SMC4: variants seen among roughly 807,000 people sequenced by gnomAD.
SMC4 encodes the protein structural maintenance of chromosomes 4.
In SMC4, 87 loss-of-function variants were observed where a neutral mutation model predicts 145.6. The observed-to-expected ratio is 0.60, with a 90% CI of 0.50 to 0.71. SMC4 has a LOEUF of 0.71. Ranked by LOEUF, SMC4 falls within the 30% of genes least tolerant of loss-of-function variation. SMC4 has a pLI of 0.00. For missense variants in SMC4, 1,447 were observed against 1,537.1 expected (o/e 0.94, Z 0.98); for synonymous variants, 558 against 500.7 (o/e 1.11, Z -1.53).
At chr3:160,419,670 T>A in intron 12 of SMC4, 127 bp downstream of exon 12, 1 of 849,834 alleles carries the variant, frequency 1.2e-6, no homozygotes, top group Non-Finnish European at 1.7e-6. Context: ...TTGTTTGTTT[T>A]AAGGCACATT....
intron 5 of SMC4, among the ~76,000 whole-genome samples, chr3:160,409,864 C>T (rs943565899): frequency 1.3e-5 from 2 of 151,990 alleles, no homozygotes; most frequent in Non-Finnish European, 2.9e-5. Context: ...CCCAGGAGTT[C>T]GAGACCAGCC....
Position 160,433,840 on chromosome 3 carries a change from C to CAGT in SMC4, c.*32_*34dup. 6.5e-7 allele frequency: 1 copy of CAGT among 1,537,668 alleles called. No homozygotes were observed. Among genetic ancestry groups the CAGT allele is most frequent in the Non-Finnish European group, 8.8e-7 (1 of 1,130,612 alleles). On this transcript the variant is annotated 3_prime_UTR_variant, in exon 24 of 24. Transcript: ENST00000357388. ...ATGCTGAAGATTCTTCAAGTTGATT[C>CAGT]AGTGTATTACTGATTTTTTTCTATT...
At chr3:160,425,053 T>TGTGTGTGTGTG (rs1553774891) in intron 16 of SMC4, 34 bp downstream of exon 16, 1 of 1,532,958 alleles carries the variant, frequency 6.5e-7, no homozygotes, top group Non-Finnish European at 8.8e-7. Context: ...TGTGTGTGTG[T>TGTGTGTGTGTG]ACTGAAACTA....
At chr3:160,425,102 TTTGCTTACAA>T (rs749511628) in intron 16 of SMC4, 83 bp downstream of exon 16, 12 of 1,461,100 alleles carry the variant, frequency 8.2e-6, no homozygotes, top group Non-Finnish European at 1.1e-5. Context: ...CATTTTGCTA[TTTGCTTACAA>T]TTTATTAAAT....
In SMC4 at chr3:160,413,496, C is replaced by G; in HGVS notation, c.1004C>G (p.Ala335Gly). The G allele has an allele frequency of 6.3e-7, 1 of 1,576,468 alleles. No individual in the cohort carries two copies. The highest frequency in any genetic ancestry group is 8.6e-7 in the Non-Finnish European group (1 of 1,169,096). Residue 335 changes from alanine (A) to glycine (G), a missense_variant, in exon 8 of 24, where the codon GCT becomes GGT. By Grantham distance (60) the Ala-to-Gly change is moderately conservative (BLOSUM62 0). Transcript: ENST00000357388. ...AGTTATGAGTTGCAGAAACGAATTGCTGAAATGGAAACTCAAAAGGAAAAA... is the reference window on the plus strand; with the variant it reads ...AGTTATGAGTTGCAGAAACGAATTGGTGAAATGGAAACTCAAAAGGAAAAA... Reference protein sequence around the residue: ...YYIYELQKRIAEMETQKEKIH... With the variant: ...YYIYELQKRIGEMETQKEKIH...
chr3:160,427,325 G>C (rs533337164), intron 17 of SMC4, among the ~76,000 whole-genome samples: 2 of 152,306 alleles, frequency 1.3e-5, no homozygotes, highest in East Asian at 1.9e-4. Flanking sequence ...TCCAAGAAGA[G>C]TATAAAGGAG....
Position 160,416,423 on chromosome 3 carries a change from T to C in SMC4, c.1437+8T>C, listed in dbSNP as rs770631443. The C allele has an allele frequency of 9.6e-6, 14 of 1,463,176 alleles. No homozygotes were observed. In the African/African-American group the frequency reaches 2.0e-4, roughly 21 times the overall value. The allele number at this position is 1,463,176 out of a possible 1,614,324, so 90.6% of individuals were successfully genotyped here. A position where few individuals can be genotyped will look rare whatever the true frequency, so the allele number is the denominator to read the frequency against. ...CTTCAGAAAGAAAAAGAAGTAAGTT[T>C]TTTTTTTTTATCAGTGTTTATTTTG... On this transcript the variant is annotated splice_region_variant and intron_variant, in intron 10 of 23. Transcript: ENST00000357388.
rs780525798 is a variant in SMC4 at position 160,414,349 on chromosome 3, A to G, written c.1122-18A>G. The G allele has an allele frequency of 6.4e-7, 1 of 1,574,310 alleles. No individual in the cohort carries two copies. The highest frequency in any genetic ancestry group is 8.7e-7 in the Non-Finnish European group (1 of 1,145,656). ...TGCACATTCAAAATAATGACTTACA[A>G]TATACTTGCTTTGCTAGGAAACTGA... On this transcript the variant is annotated intron_variant, in intron 8 of 23. Transcript: ENST00000357388.
intron 22 of SMC4, 146 bp from the exon 23 acceptor site, chr3:160,432,880 A>G (rs1278968036): frequency 1.6e-6 from 1 of 626,500 alleles, no homozygotes; most frequent in African/African-American, 1.8e-5. Flanking sequence ...GTTTTTATAA[A>G]ATAACAGAAA....
At chr3:160,409,980 G>A (rs147968738) in intron 5 of SMC4, among the ~76,000 whole-genome samples, 402 of 152,290 alleles carry the variant, frequency 2.6e-3, no homozygotes, top group African/African-American at 6.9e-3. Context: ...GGACACTGAG[G>A]TGGGCGGATC....
intron 5 of SMC4, among the ~76,000 whole-genome samples, chr3:160,409,265 C>CAAAAAAAAAAAAA (rs10547167): frequency 4.8e-5 from 3 of 61,946 alleles, no homozygotes; most frequent in African/African-American, 5.9e-5. Context: ...AACTCCGTCT[C>CAAAAAAAAAAAAA]AAAAAAAAAA....
chr3:160,433,896 T>A lies in SMC4; in HGVS notation c.*87T>A. On this transcript the variant is annotated 3_prime_UTR_variant, in exon 24 of 24. Coordinates refer to ENST00000357388, the MANE Select transcript of SMC4 (RefSeq NM_001002800.3). The stretch of plus-strand genomic sequence containing the variant: ...AGGATTATGAGTTGTATAAAATACA[T>A]ACTCCCTAAACTAGATCATGAAACT... 1 of 978,700 alleles carries A rather than the reference T, an allele frequency of 1.0e-6. No individual in the cohort carries two copies. Among genetic ancestry groups the A allele is most frequent in the Non-Finnish European group, 1.5e-6 (1 of 645,976 alleles). 60.6% of individuals were successfully genotyped at this position (978,700 alleles called of 1,614,324 possible).
chr3:160,419,097 G>A (rs1716894111), intron 11 of SMC4, among the ~76,000 whole-genome samples: 1 of 152,070 alleles, frequency 6.6e-6, no homozygotes. Context: ...TCTCTATCAG[G>A]ATGAACTGTT....
At chr3:160,404,303 C>G in intron 4 of SMC4, 25 bp from the exon 5 acceptor site, 1 of 1,583,340 alleles carries the variant, frequency 6.3e-7, no homozygotes, top group South Asian at 1.2e-5. Context: ...CAATTGTTTT[C>G]TGGTTTTGTT....
At chr3:160,400,747 AG>A in intron 1 of SMC4, 74 bp from the exon 2 acceptor site, 1 of 1,400,464 alleles carries the variant, frequency 7.1e-7, no homozygotes. Context: ...CGGTGGACCG[AG>A]ATTTCCCCGG....
chr3:160,423,467 G>C lies in SMC4; in HGVS notation c.2062G>C (p.Glu688Gln). ...AAAGATGACCGAAATTCAAACTCCT[G>C]AAAATACTCCTCGTTTATTTGATTT... ...AKKMTEIQTP[E>Q]NTPRLFDLVK... The change falls in exon 14 of 24, where the codon GAA becomes CAA. Residue 688 changes from glutamate to glutamine, a missense_variant. Glu to Gln is a conservative substitution (Grantham distance 29). Coordinates refer to ENST00000357388, the MANE Select transcript of SMC4 (RefSeq NM_001002800.3). 6.2e-7 allele frequency: 1 copy of C among 1,608,666 alleles called. No individual in the cohort carries two copies. The highest frequency in any genetic ancestry group is 8.5e-7 in the Non-Finnish European group (1 of 1,177,704).
chr3:160,408,370 C>G (rs1442128055), intron 5 of SMC4, among the ~76,000 whole-genome samples: 1 of 152,130 alleles, frequency 6.6e-6, no homozygotes, highest in Non-Finnish European at 1.5e-5. Flanking sequence ...ATAACTGGAT[C>G]ATAATATCCT....
Position 160,428,833 on chromosome 3 carries a change from AAT to A in SMC4, c.2687_2688del (p.Asn896ThrfsTer2), listed in dbSNP as rs1324535873. Reference protein sequence around the residue: ...RLHNTIVEINNHKLKAQQDKL... With the variant: ...RLHNTIVEINXHKLKAQQDKL... ...ACACAATACCATCGTAGAAATCAATAATCATAAACTCAAGGCCCAACAAGACA... is the reference window on the plus strand; with the variant it reads ...ACACAATACCATCGTAGAAATCAATACATAAACTCAAGGCCCAACAAGACA... On this transcript the variant is annotated frameshift_variant, in exon 18 of 24. Coordinates refer to ENST00000357388, the MANE Select transcript of SMC4 (RefSeq NM_001002800.3). LOFTEE classifies it high-confidence loss of function. 1 of 1,607,084 alleles carries A rather than the reference AAT, an allele frequency of 6.2e-7. No individual in the cohort carries two copies. The highest frequency in any genetic ancestry group is 2.2e-5 in the East Asian group (1 of 44,690).
chr3:160,402,622 A>T (rs1050387822), intron 3 of SMC4, 54 bp from the exon 4 acceptor site: 1 of 1,541,048 alleles, frequency 6.5e-7, no homozygotes, highest in Non-Finnish European at 8.7e-7. Context: ...AATCAGTAGT[A>T]TTAGCATGAC....
Sources: gnomAD v4.1 joint callset for allele counts (sites outside exome capture counted in the v4.1 genomes callset) on GRCh38, gnomAD v4.1.1 for gene constraint, MANE v1.5 for transcripts, NCBI Gene and HGNC (gene_info 2026-07-23, HGNC 2026-07-21) for gene names.